Variants in ADARB2 observed in about 807,000 individuals in gnomAD.
The protein encoded by ADARB2 is adenosine deaminase RNA specific B2 (inactive), also known as inactive double-stranded RNA-specific editase B2.
A neutral mutation model predicts 62.2 loss-of-function variants in ADARB2; 25 were observed. That is an observed-to-expected ratio of 0.40 (90% CI 0.29 to 0.56). The LOEUF (loss-of-function observed/expected upper bound fraction) is 0.56, where lower values mean the gene tolerates loss of function less well. Among genes scored for constraint, ADARB2 ranks in the 20% least tolerant of loss-of-function variants. The pLI is 0.43. For missense variants in ADARB2, 1,071 were observed against 1,077.4 expected, an observed-to-expected ratio of 0.99 and a Z score of 0.08; for synonymous variants, 572 against 500.8, an observed-to-expected ratio of 1.14 and a Z score of -1.90.
intron 1 of ADARB2, among the ~76,000 whole-genome samples, chr10:1,512,655 C>T (rs143757950): frequency 1.2e-3 from 183 of 152,342 alleles, no homozygotes; most frequent in African/African-American, 4.3e-3. Context: ...CAAATTATTT[C>T]CCTCCAAGTT....
At chr10:1,523,654 T>C (rs1832102753) in intron 1 of ADARB2, among the ~76,000 whole-genome samples, 1 of 152,142 alleles carries the variant, frequency 6.6e-6, no homozygotes, top group African/African-American at 2.4e-5. Context: ...TAATACTGAC[T>C]CTTTCCTTAT....
rs1830900761 is a variant in ADARB2 at position 1,240,278 on chromosome 10, GCC to G, written c.1361+1851_1361+1852del. The G allele has an allele frequency of 1.3e-3, 40 of 31,880 alleles. 6 individuals carry two copies. Among genetic ancestry groups the G allele is most frequent in the African/African-American group, 5.2e-3 (37 of 7,170 alleles). 2.0% of individuals were successfully genotyped at this position (31,880 alleles called of 1,614,324 possible). ...TGCCTCCCGGTGTTTACTCCCCTCT[GCC>G]TCCCGGTGTTTACTCCCCTCTCCCT... On this transcript the variant is annotated intron_variant, in intron 5 of 9. Transcript: ENST00000381312.
chr10:1,199,547 GGCCACGTGACCTTGGC>G (rs1836956110), intron 8 of ADARB2: 1 of 167,270 alleles, frequency 6.0e-6, no homozygotes. Context: ...GACCCGCTCT[GGCCACGTGACCTTGGC>G]GCCCCCCGCC....
intron 1 of ADARB2, among the ~76,000 whole-genome samples, chr10:1,489,884 G>C (rs182631555): frequency 3.9e-5 from 6 of 152,148 alleles, no homozygotes; most frequent in African/African-American, 1.2e-4. Flanking sequence ...AATGAGAGGG[G>C]GTCAAAATAC....
chr10:1,412,570 A>G (rs1280863785), intron 1 of ADARB2, among the ~76,000 whole-genome samples: 1 of 152,202 alleles, frequency 6.6e-6, no homozygotes, highest in Non-Finnish European at 1.5e-5. Context: ...CCAACGCATA[A>G]AGCACAAAAT....
At position 1,503,801 on chromosome 10, in the gene ADARB2, C is replaced by T. The variant is rs144855169; in HGVS notation, c.101-124641G>A. Among the ~76,000 whole-genome samples, 3 of 152,134 alleles carry T rather than the reference C, an allele frequency of 2.0e-5. No homozygotes were observed. The East Asian group carries it at 5.8e-4, about 30-fold the overall frequency. On this transcript the variant is annotated intron_variant, in intron 1 of 9. Coordinates refer to ENST00000381312, the MANE Select transcript of ADARB2 (RefSeq NM_018702.4). ...TAACAGTGTAGCCCTGCCCACGCCC[C>T]GCCCCCTTGCTCCTACTCTGCCATG...
At chr10:1,280,092 G>C (rs532843071) in intron 3 of ADARB2, among the ~76,000 whole-genome samples, 5 of 152,174 alleles carry the variant, frequency 3.3e-5, no homozygotes, top group Non-Finnish European at 7.3e-5. Flanking sequence ...TTGGCTCAGA[G>C]TGAGTGAGCT....
chr10:1,590,853 C>T (rs11250646), intron 1 of ADARB2, among the ~76,000 whole-genome samples: 13,793 of 152,106 alleles, frequency 0.091, 853 homozygotes, highest in East Asian at 0.17. Flanking sequence ...AGTCAGTAAC[C>T]GTGCGTCGTC....
chr10:1,619,426 A>C (rs1833682630), intron 1 of ADARB2, among the ~76,000 whole-genome samples: 1 of 152,226 alleles, frequency 6.6e-6, no homozygotes, highest in African/African-American at 2.4e-5. Context: ...CTATTTAACA[A>C]AAATAAGCAC....
At chr10:1,332,933 G>A (rs1008673150) in intron 3 of ADARB2, among the ~76,000 whole-genome samples, 19 of 152,066 alleles carry the variant, frequency 1.2e-4, no homozygotes, top group African/African-American at 1.9e-4. Flanking sequence ...CCCCATCCCC[G>A]CAATCAATGG....
chr10:1,275,639 T>C (rs1448873832), intron 3 of ADARB2, among the ~76,000 whole-genome samples: 5 of 149,766 alleles, frequency 3.3e-5, no homozygotes, highest in Non-Finnish European at 5.9e-5. Flanking sequence ...GTATATCTCC[T>C]AATGCTATCC....
At chr10:1,603,009 TAC>T (rs1209989031) in intron 1 of ADARB2, among the ~76,000 whole-genome samples, 2 of 137,750 alleles carry the variant, frequency 1.5e-5, no homozygotes, top group East Asian at 4.3e-4. Flanking sequence ...CACACAACTG[TAC>T]ACACACATAC....
chr10:1,359,082 T>A (rs1005539860), intron 3 of ADARB2, among the ~76,000 whole-genome samples: 19 of 152,242 alleles, frequency 1.2e-4, no homozygotes, highest in African/African-American at 4.6e-4. Flanking sequence ...TTTTTTATGA[T>A]GATGCCTCCA....
chr10:1,262,332 C>T (rs1165366828), intron 4 of ADARB2, among the ~76,000 whole-genome samples: 1 of 120,310 alleles, frequency 8.3e-6, no homozygotes, highest in Non-Finnish European at 1.9e-5. Flanking sequence ...AAGAAACCAC[C>T]ATCAGAGTGA....
chr10:1,718,908 G>A (rs186863008), intron 1 of ADARB2, among the ~76,000 whole-genome samples: 330 of 152,330 alleles, frequency 2.2e-3, no homozygotes, highest in Non-Finnish European at 2.7e-3. Context: ...TACCTCGATT[G>A]TAGTGGTCAG....
chr10:1,336,875 G>T (rs1414055858), intron 3 of ADARB2, among the ~76,000 whole-genome samples: 1 of 152,018 alleles, frequency 6.6e-6, no homozygotes, highest in Non-Finnish European at 1.5e-5. Flanking sequence ...CCTTTACAGT[G>T]CATGTGTGGT....
chr10:1,316,910 TTG>T (rs1176256963), intron 3 of ADARB2, among the ~76,000 whole-genome samples: 1 of 152,248 alleles, frequency 6.6e-6, no homozygotes, highest in Non-Finnish European at 1.5e-5. Context: ...GGTTGCAGTT[TTG>T]TGTGCGTGTG....
chr10:1,376,905 T>C lies in ADARB2; in HGVS notation c.187+2169A>G, dbSNP rs570875858. Among the ~76,000 whole-genome samples the C allele has an allele frequency of 5.5e-4, 81 of 148,504 alleles. 1 individual carries two copies. In the South Asian group the frequency reaches 9.8e-3, roughly 18 times the overall value. Reference sequence around the variant, plus strand: ...GGGGGTTGTGTGCTCCTGGGGTGTGTGTGTGCGCATGTGCTTGTGTGCTCC... The same window carrying C: ...GGGGGTTGTGTGCTCCTGGGGTGTGCGTGTGCGCATGTGCTTGTGTGCTCC... On this transcript the variant is annotated intron_variant, in intron 2 of 9. Transcript: ENST00000381312.
intron 5 of ADARB2, chr10:1,240,614 GC>G: frequency 6.6e-6 from 1 of 152,496 alleles, no homozygotes; most frequent in Non-Finnish European, 1.5e-5. Context: ...CCAAGCCTGG[GC>G]CCCGGCACAG....
Sources: gnomAD v4.1 joint callset for allele counts (sites outside exome capture counted in the v4.1 genomes callset) on GRCh38, gnomAD v4.1.1 for gene constraint, MANE v1.5 for transcripts, NCBI Gene and HGNC (gene_info 2026-07-23, HGNC 2026-07-21) for gene names.